The following EFR3A variants were observed in gnomAD, a reference collection of about 807,000 sequenced individuals.
EFR3A encodes the protein EFR3 homolog A, also known as protein EFR3 homolog A.
Under a neutral mutation model 104.4 loss-of-function variants are expected in EFR3A, and 76 were observed. That is an observed-to-expected ratio of 0.73 (90% CI 0.60 to 0.88). The LOEUF is 0.88. Among genes scored for constraint, EFR3A ranks in the 40% least tolerant of loss-of-function variants. The pLI is 0.00. For synonymous variants in EFR3A, 330 were observed against 330.0 expected, an observed-to-expected ratio of 1.00 and a Z score of 0.00; for missense variants, 985 against 1,012.5, an observed-to-expected ratio of 0.97 and a Z score of 0.37.
chr8:131,995,208 T>C (rs1821412766), intron 18 of EFR3A, among the ~76,000 whole-genome samples: 1 of 152,188 alleles, frequency 6.6e-6, no homozygotes, highest in Admixed American at 6.5e-5. Flanking sequence ...AGACTGAGAC[T>C]ATCCGATGGC....
chr8:131,993,910 A>T (rs559750345), intron 18 of EFR3A, among the ~76,000 whole-genome samples: 1 of 152,244 alleles, frequency 6.6e-6, no homozygotes, highest in Non-Finnish European at 1.5e-5. Context: ...AGAGGGGAAC[A>T]ATGCACACTG....
intron 10 of EFR3A, among the ~76,000 whole-genome samples, chr8:131,971,768 C>T (rs190991789): frequency 3.9e-5 from 6 of 152,144 alleles, no homozygotes; most frequent in Non-Finnish European, 8.8e-5. Flanking sequence ...TTAGCACATC[C>T]AGAGGTGCAC....
chr8:131,929,090 A>G (rs1285141284), intron 1 of EFR3A, among the ~76,000 whole-genome samples: 2 of 152,124 alleles, frequency 1.3e-5, no homozygotes, highest in African/African-American at 4.8e-5. Context: ...GTTTAGATCA[A>G]TTGTCTGCTA....
At chr8:131,934,533 T>C (rs1161695941) in intron 1 of EFR3A, among the ~76,000 whole-genome samples, 1 of 152,296 alleles carries the variant, frequency 6.6e-6, no homozygotes, top group African/African-American at 2.4e-5. Context: ...ACTTTGTCTT[T>C]TAAAGTATGT....
At chr8:131,936,595 C>A (rs1410503595) in intron 1 of EFR3A, among the ~76,000 whole-genome samples, 3 of 152,046 alleles carry the variant, frequency 2.0e-5, no homozygotes, top group African/African-American at 7.2e-5. Context: ...GGTTGTTTTA[C>A]CTGTGCTTCT....
intron 1 of EFR3A, among the ~76,000 whole-genome samples, chr8:131,931,003 A>G (rs921759915): frequency 6.6e-6 from 1 of 152,160 alleles, no homozygotes; most frequent in African/African-American, 2.4e-5. Context: ...TCTCTACATC[A>G]TTATACAAGG....
At chr8:131,931,898 T>G (rs1344803653) in intron 1 of EFR3A, among the ~76,000 whole-genome samples, 1 of 152,080 alleles carries the variant, frequency 6.6e-6, no homozygotes, top group Non-Finnish European at 1.5e-5. Context: ...TTTAGACATG[T>G]TCCAATACGC....
rs771780764 is a variant in EFR3A at position 131,955,864 on chromosome 8, A to C, written c.735A>C (p.Ala245=). ...ENCFRELLGR[A]TFGNMNNAVR... is the part of the protein sequence containing the mutation. ...GTTTCAGAGAACTGCTGGGTCGAGCAACTTTTGGGAATATGAATAATGCTG... is the reference window on the plus strand; with the variant it reads ...GTTTCAGAGAACTGCTGGGTCGAGCCACTTTTGGGAATATGAATAATGCTG... Residue 245 remains alanine, a synonymous_variant, in exon 7 of 23, where the codon GCA becomes GCC. Coordinates refer to ENST00000254624, the MANE Select transcript of EFR3A (RefSeq NM_015137.6). The C allele has an allele frequency of 1.2e-6, 2 of 1,613,464 alleles. No individual in the cohort carries two copies. Among genetic ancestry groups the C allele is most frequent in the East Asian group, 4.5e-5 (2 of 44,862 alleles).
chr8:131,981,135 T>C (rs1163788365), intron 14 of EFR3A, among the ~76,000 whole-genome samples: 1 of 151,884 alleles, frequency 6.6e-6, no homozygotes, highest in Non-Finnish European at 1.5e-5. Flanking sequence ...ACTGATATAA[T>C]GAATTTTGTA....
At chr8:132,001,297 T>C (rs987593584) in intron 19 of EFR3A, among the ~76,000 whole-genome samples, 1 of 152,222 alleles carries the variant, frequency 6.6e-6, no homozygotes, top group Admixed American at 6.5e-5. Context: ...TTGTAAACTG[T>C]GTGTGGTACC....
intron 2 of EFR3A, among the ~76,000 whole-genome samples, chr8:131,942,632 ATTAT>A: frequency 6.6e-6 from 1 of 152,266 alleles, no homozygotes; most frequent in South Asian, 2.1e-4. Context: ...GTTGGCACTC[ATTAT>A]TTGTTTAATG....
intron 19 of EFR3A, among the ~76,000 whole-genome samples, chr8:131,999,821 G>A (rs1045567700): frequency 1.1e-4 from 17 of 152,246 alleles, no homozygotes; most frequent in South Asian, 4.2e-4. Context: ...GGTAAACACC[G>A]AAATTTAGTC....
At chr8:131,984,538 C>G (rs1245256143) in intron 15 of EFR3A, among the ~76,000 whole-genome samples, 1 of 152,092 alleles carries the variant, frequency 6.6e-6, no homozygotes. Context: ...ATGAAGCAGA[C>G]AAACATAGTC....
At chr8:131,918,394 G>A (rs948457356) in intron 1 of EFR3A, among the ~76,000 whole-genome samples, 2 of 152,106 alleles carry the variant, frequency 1.3e-5, no homozygotes, top group African/African-American at 4.8e-5. Context: ...AATGTTTAAG[G>A]TTTCTTGGTT....
chr8:131,976,231 T>A (rs2270876), intron 11 of EFR3A, 90 bp downstream of exon 11: 370,566 of 803,884 alleles, frequency 0.46, 88,154 homozygotes, highest in African/African-American at 0.52. Flanking sequence ...TGTTTTTTTT[T>A]AAAAATCATT....
intron 7 of EFR3A, among the ~76,000 whole-genome samples, chr8:131,958,695 T>G (rs1819151656): frequency 6.6e-6 from 1 of 152,090 alleles, no homozygotes; most frequent in South Asian, 2.1e-4. Context: ...ATAGGTCATA[T>G]CAGGATGTGC....
At chr8:131,968,119 GC>G (rs1819854987) in intron 8 of EFR3A, among the ~76,000 whole-genome samples, 175 bp from the exon 9 acceptor site, 1 of 151,864 alleles carries the variant, frequency 6.6e-6, no homozygotes, top group African/African-American at 2.4e-5. Flanking sequence ...ATATTTTCCA[GC>G]ATCTCTGTTT....
At position 131,976,152 on chromosome 8, in the gene EFR3A, A is replaced by C; in HGVS notation, c.1274+11A>C. On this transcript the variant is annotated intron_variant, in intron 11 of 22. Transcript: ENST00000254624. Reference sequence around the variant, plus strand: ...TATCAGTCAACTAGGGTATGTTCTCAGACTGTAAATTTGAACTTAATCTTG... The same window carrying C: ...TATCAGTCAACTAGGGTATGTTCTCCGACTGTAAATTTGAACTTAATCTTG... 2.1e-5 allele frequency: 31 copies of C among 1,456,566 alleles called. No homozygotes were observed. Among genetic ancestry groups the C allele is most frequent in the Non-Finnish European group, 2.8e-5 (29 of 1,054,090 alleles). The allele number at this position is 1,456,566 out of a possible 1,614,324, so 90.2% of individuals were successfully genotyped here. A position where few individuals can be genotyped will look rare whatever the true frequency, so the allele number is the denominator to read the frequency against.
At chr8:131,940,674 C>T in intron 2 of EFR3A, 99 bp downstream of exon 2, 1 of 1,452,150 alleles carries the variant, frequency 6.9e-7, no homozygotes. Context: ...TCTACTTTTA[C>T]CCTTACATCT....
Sources: gnomAD v4.1 joint callset for allele counts (sites outside exome capture counted in the v4.1 genomes callset) on GRCh38, gnomAD v4.1.1 for gene constraint, MANE v1.5 for transcripts, NCBI Gene and HGNC (gene_info 2026-07-23, HGNC 2026-07-21) for gene names.